The following RNASE9 variants were observed in gnomAD, a reference collection of about 807,000 sequenced individuals.
RNASE9 encodes the protein ribonuclease A family member 9 (inactive), also known as inactive ribonuclease-like protein 9.
For missense variants in RNASE9, 263 were observed against 247.1 expected, an observed-to-expected ratio of 1.06 and a Z score of -0.43; for synonymous variants, 95 against 87.6, an observed-to-expected ratio of 1.08 and a Z score of -0.47.
Position 20,556,615 on chromosome 14 carries a change from G to C in RNASE9, c.455C>G (p.Ala152Gly), listed in dbSNP as rs1376005815. ...CCTATAAAGTGATTCGTATTTACAC[G>C]CTGGTATTTCAAATGCTTCTGTTAA... is the stretch of plus-strand genomic sequence containing the variant. Residue 152 changes from alanine (A) to glycine (G), a missense_variant, in exon 3 of 3, where the codon GCG (alanine) becomes GGG (glycine). Coordinates refer to ENST00000555230, the Ensembl canonical transcript of RNASE9. The C allele has an allele frequency of 1.9e-6, 3 of 1,613,380 alleles. No individual in the cohort carries two copies. In the African/African-American group the frequency reaches 4.0e-5, roughly 22 times the overall value.
At chr14:20,560,689 T>C (rs529913765) in intron 1 of RNASE9, among the ~76,000 whole-genome samples, 185 bp downstream of exon 1, 22 of 152,244 alleles carry the variant, frequency 1.4e-4, no homozygotes, top group African/African-American at 5.3e-4. Context: ...GAATTGTATA[T>C]TCTTAGAATG....
At position 20,559,650 on chromosome 14, in the gene RNASE9, A is replaced by G. The variant is rs538578968; in HGVS notation, c.-1633-17T>C. 9.2e-5 allele frequency: 14 copies of G among 152,340 alleles called. No individual in the cohort carries two copies. The highest frequency in any genetic ancestry group is 3.4e-3 in the Middle Eastern group (1 of 294). The allele number at this position is 152,340 out of a possible 1,614,324, so 9.4% of individuals were successfully genotyped here. ...TTGAAATTTCTGTGGATGAATCCAG[A>G]AATTTGCATTTTAAACAAATTTAAA... On this transcript the variant is annotated splice_polypyrimidine_tract_variant and intron_variant, in intron 1 of 2. Coordinates refer to ENST00000555230, the Ensembl canonical transcript of RNASE9.
rs760852587 is a variant in RNASE9, at chr14:20,556,743, A to T, written c.327T>A (p.Tyr109Ter). The T allele has an allele frequency of 6.2e-7, 1 of 1,614,060 alleles. No homozygotes were observed. Among genetic ancestry groups the T allele is most frequent in the South Asian group, 1.1e-5 (1 of 91,072 alleles). ...TGTAACAGATTTTTTGGAGCTCGTC[A>T]TATTGCATAAGAAGGAAGTAATGTT... Residue 109 changes from tyrosine (Y) to a stop codon, truncating the protein, a stop_gained, in exon 3 of 3, where the codon TAT becomes TAA. Coordinates refer to ENST00000555230, the Ensembl canonical transcript of RNASE9. LOFTEE classifies it low-confidence loss of function (END_TRUNC).
exon 3 of RNASE9, chr14:20,557,015 G>T (rs1883731179): frequency 6.2e-7 from 1 of 1,613,730 alleles, no homozygotes. Flanking sequence ...TGCAGCAGCT[G>T]CTGCGGCAAT....
At chr14:20,556,998 C>T (rs1170179125) in exon 3 of RNASE9, 2 of 1,614,018 alleles carry the variant, frequency 1.2e-6, no homozygotes, top group Non-Finnish European at 1.7e-6. Flanking sequence ...CTTGAAACTG[C>T]ACCAGCTGCA....
exon 3 of RNASE9, chr14:20,556,414 A>G: frequency 6.9e-7 from 1 of 1,439,754 alleles, no homozygotes; most frequent in East Asian, 2.3e-5. Flanking sequence ...TATGGAGAGA[A>G]ATATTCCTCC....
exon 3 of RNASE9, chr14:20,557,864 A>T (rs1883770197): frequency 6.5e-6 from 1 of 152,838 alleles, no homozygotes; most frequent in African/African-American, 2.4e-5. Flanking sequence ...AAAGAAGTGT[A>T]AAGTTATTAA....
exon 3 of RNASE9, chr14:20,558,400 G>T: frequency 1.4e-6 from 1 of 702,092 alleles, no homozygotes; most frequent in Non-Finnish European, 2.6e-6. Flanking sequence ...AGACAGGAAA[G>T]TTGAGCATAG....
chr14:20,558,279 G>C (rs541320162), exon 3 of RNASE9: 2 of 568,194 alleles, frequency 3.5e-6, no homozygotes, highest in South Asian at 4.2e-5. Flanking sequence ...GATGGAGATG[G>C]ACAGCCTCCT....
exon 3 of RNASE9, chr14:20,558,219 A>G (rs1043425475): frequency 4.5e-6 from 2 of 441,140 alleles, no homozygotes; most frequent in Admixed American, 7.0e-5. Context: ...CTTGGTGGCA[A>G]CCTGAGTGAT....
At chr14:20,556,534 G>A (rs772956589) in exon 3 of RNASE9, 1 of 1,613,706 alleles carries the variant, frequency 6.2e-7, no homozygotes, top group Admixed American at 1.7e-5. Flanking sequence ...TATAGTATGA[G>A]GAATACGTTT....
At chr14:20,556,306 T>C in exon 3 of RNASE9, 3 of 625,842 alleles carry the variant, frequency 4.8e-6, no homozygotes, top group Non-Finnish European at 5.5e-6. Context: ...TAGCCTAAGG[T>C]GCTTTTGTGA....
intron 1 of RNASE9, 106 bp downstream of exon 1, chr14:20,560,768 T>G (rs1220035926): frequency 6.6e-6 from 1 of 151,924 alleles, no homozygotes; most frequent in Admixed American, 6.6e-5. Context: ...ACAAGGAGAA[T>G]AGAAAAAAAG....
chr14:20,560,466 A>C (rs988546010), intron 1 of RNASE9: 3 of 152,100 alleles, frequency 2.0e-5, no homozygotes, highest in Non-Finnish European at 4.4e-5. Flanking sequence ...AATAGCTAGA[A>C]TTCTAAGTTG....
In RNASE9 at chr14:20,556,516, A is replaced by T. The variant is rs1419793698; in HGVS notation, c.554T>A (p.Leu185His). 8 of 1,613,744 alleles carry T rather than the reference A, an allele frequency of 5.0e-6. No homozygotes were observed. The African/African-American group carries it at 1.1e-4, about 22-fold the overall frequency. Residue 185 changes from leucine (L) to histidine (H), a missense_variant, in exon 3 of 3, where the codon CTC (leucine) becomes CAC (histidine). Coordinates refer to ENST00000555230, the Ensembl canonical transcript of RNASE9. ...ACTTCTGTGTTCAGGTGGCTCCACG[A>T]GATCATTTATAGTATGAGGAATACG...
At chr14:20,556,334 A>T in exon 3 of RNASE9, 1 of 744,020 alleles carries the variant, frequency 1.3e-6, no homozygotes, top group Non-Finnish European at 2.2e-6. Context: ...GGAAAGGAAG[A>T]AAGGAAGGTG....
chr14:20,557,589 TCTTTCTCCTCTTGCC>T (rs1883759317), exon 3 of RNASE9: 1 of 153,636 alleles, frequency 6.5e-6, no homozygotes, highest in Admixed American at 6.4e-5. Context: ...ACCATGTCTT[TCTTTCTCCTCTTGCC>T]CTTATTTGAC....
exon 3 of RNASE9, chr14:20,557,482 T>C (rs1288108643): frequency 6.1e-6 from 1 of 165,114 alleles, no homozygotes; most frequent in Non-Finnish European, 1.3e-5. Context: ...TCGTCTGAAA[T>C]AAATGCATCT....
At chr14:20,556,284 C>T (rs1048649689) in exon 3 of RNASE9, 6 of 578,290 alleles carry the variant, frequency 1.0e-5, no homozygotes, top group Admixed American at 6.1e-5. Context: ...CTCAGAGCAC[C>T]GTCTGTGAAC....
Sources: allele counts gnomAD v4.1 joint callset (sites outside exome capture counted in the v4.1 genomes callset), GRCh38; gene constraint gnomAD v4.1.1; transcripts MANE v1.5; gene names NCBI Gene and HGNC (gene_info 2026-07-23, HGNC 2026-07-21).